Variants in BBS9 observed in about 807,000 individuals in gnomAD.
BBS9 encodes Bardet-Biedl syndrome 9.
Under a neutral mutation model 117.7 loss-of-function variants are expected in BBS9, and 89 were observed. That is an observed-to-expected ratio of 0.76 (90% CI 0.64 to 0.90). BBS9 has a LOEUF of 0.90. Ranked by LOEUF, BBS9 falls within the 40% of genes least tolerant of loss-of-function variation. The probability of loss-of-function intolerance (pLI) is 0.00; values close to 1 mark genes in which losing one functional copy is unlikely to be tolerated. For synonymous variants in BBS9, 379 were observed against 370.9 expected (o/e 1.02, Z -0.25); for missense variants, 982 against 1,042.2 (o/e 0.94, Z 0.80).
chr7:33,400,613 C>A (rs1335652378), intron 19 of BBS9, among the ~76,000 whole-genome samples: 5 of 151,982 alleles, frequency 3.3e-5, no homozygotes, highest in Non-Finnish European at 5.9e-5. Flanking sequence ...AGCCAGTTTC[C>A]TTGAGAGATT....
intron 5 of BBS9, among the ~76,000 whole-genome samples, chr7:33,183,871 T>A (rs1019647331): frequency 6.6e-6 from 1 of 152,186 alleles, no homozygotes; most frequent in Non-Finnish European, 1.5e-5. Context: ...CTGACTAGTT[T>A]GCTGGGCTAG....
At chr7:33,201,344 T>TTA (rs1243224605) in intron 5 of BBS9, among the ~76,000 whole-genome samples, 13 of 152,198 alleles carry the variant, frequency 8.5e-5, no homozygotes, top group Non-Finnish European at 1.9e-4. Flanking sequence ...GGGTATCTGT[T>TTA]TATTTCCATA....
At chr7:33,173,316 C>A (rs1038799509) in intron 4 of BBS9, among the ~76,000 whole-genome samples, 1 of 152,030 alleles carries the variant, frequency 6.6e-6, no homozygotes, top group Non-Finnish European at 1.5e-5. Context: ...TGCAGTGGCT[C>A]ACGTCTGTAA....
chr7:33,398,504 A>G (rs1254468960), intron 19 of BBS9, among the ~76,000 whole-genome samples: 2 of 152,192 alleles, frequency 1.3e-5, no homozygotes, highest in African/African-American at 4.8e-5. Flanking sequence ...AGCTCTTTCA[A>G]AATTTTGTAA....
chr7:33,301,440 T>C (rs1369271699), intron 9 of BBS9, among the ~76,000 whole-genome samples: 2 of 152,254 alleles, frequency 1.3e-5, no homozygotes, highest in African/African-American at 4.8e-5. Flanking sequence ...ATTCCCAGCC[T>C]CTGGTAACCA....
At chr7:33,551,954 A>C (rs1854493094) in intron 21 of BBS9, among the ~76,000 whole-genome samples, 1 of 152,088 alleles carries the variant, frequency 6.6e-6, no homozygotes, top group Non-Finnish European at 1.5e-5. Flanking sequence ...GTTAATAGTA[A>C]TATTATTGGA....
intron 4 of BBS9, among the ~76,000 whole-genome samples, chr7:33,161,314 C>G (rs1400406075): frequency 6.6e-6 from 1 of 152,098 alleles, no homozygotes; most frequent in Non-Finnish European, 1.5e-5. Context: ...TGTTCCCCAC[C>G]CTGTGTCCAA....
At chr7:33,492,225 C>A (rs867184283) in intron 19 of BBS9, among the ~76,000 whole-genome samples, 5,204 of 86,652 alleles carry the variant, frequency 0.06, 97 homozygotes, top group African/African-American at 0.11. Context: ...AAAAAAAAAA[C>A]AAAAAAAAAA....
intron 5 of BBS9, among the ~76,000 whole-genome samples, chr7:33,194,181 T>C (rs1164725834): frequency 6.6e-6 from 1 of 152,244 alleles, no homozygotes; most frequent in African/African-American, 2.4e-5. Context: ...TATGGTATTA[T>C]GGGCATTTCC....
intron 21 of BBS9, among the ~76,000 whole-genome samples, chr7:33,559,996 C>T (rs781112793): frequency 5.3e-5 from 8 of 152,104 alleles, no homozygotes; most frequent in East Asian, 1.9e-4. Context: ...TATTGCCTAA[C>T]GCCATTCATG....
chr7:33,579,484 C>T (rs1342011506), intron 21 of BBS9, among the ~76,000 whole-genome samples: 3 of 152,126 alleles, frequency 2.0e-5, no homozygotes, highest in African/African-American at 4.8e-5. Context: ...TTTGGCCCGG[C>T]GTGTATCACA....
intron 19 of BBS9, among the ~76,000 whole-genome samples, chr7:33,409,757 C>T (rs561457770): frequency 8.5e-5 from 13 of 152,232 alleles, no homozygotes; most frequent in Non-Finnish European, 1.2e-4. Context: ...ATTTTCCTAA[C>T]GATGTTGAAC....
rs962717061 is a variant in BBS9, at chr7:33,273,809, T to C, written c.887-18T>C. On this transcript the variant is annotated intron_variant, in intron 8 of 22. Coordinates refer to ENST00000242067, the MANE Select transcript of BBS9 (RefSeq NM_198428.3). ...GACTGTTTTCTTAGTGTCTCTTTTC[T>C]GTATTTTCAACTTACAGTTTCTGAA... The C allele has an allele frequency of 6.2e-7, 1 of 1,603,144 alleles. No homozygotes were observed. Among genetic ancestry groups the C allele is most frequent in the African/African-American group, 1.3e-5 (1 of 74,736 alleles).
intron 9 of BBS9, among the ~76,000 whole-genome samples, chr7:33,307,134 A>G (rs1241656650): frequency 2.0e-5 from 3 of 152,144 alleles, no homozygotes; most frequent in South Asian, 2.1e-4. Flanking sequence ...TTTGTAACCT[A>G]TATTTGCCTT....
intron 19 of BBS9, among the ~76,000 whole-genome samples, chr7:33,498,438 A>G (rs926245621): frequency 2.0e-5 from 3 of 152,182 alleles, no homozygotes; most frequent in African/African-American, 4.8e-5. Context: ...CAATTACCAT[A>G]GTCTAATTTT....
At chr7:33,226,389 TA>T (rs1346610268) in intron 5 of BBS9, among the ~76,000 whole-genome samples, 4 of 152,194 alleles carry the variant, frequency 2.6e-5, no homozygotes, top group Admixed American at 6.5e-5. Flanking sequence ...CTTTTATTGA[TA>T]AGTGTTAGAT....
At chr7:33,426,812 G>T (rs1833725956) in intron 19 of BBS9, among the ~76,000 whole-genome samples, 1 of 152,082 alleles carries the variant, frequency 6.6e-6, no homozygotes, top group Admixed American at 6.6e-5. Context: ...AATTCTGCTG[G>T]GTGTCTTTTG....
chr7:33,408,880 G>T (rs976186404), intron 19 of BBS9, among the ~76,000 whole-genome samples: 1 of 152,046 alleles, frequency 6.6e-6, no homozygotes, highest in Non-Finnish European at 1.5e-5. Flanking sequence ...GTTATTTTTT[G>T]ACTTTTTAAC....
At chr7:33,565,780 AGT>A (rs1491217199) in intron 21 of BBS9, among the ~76,000 whole-genome samples, 1 of 52,874 alleles carries the variant, frequency 1.9e-5, no homozygotes, top group African/African-American at 9.2e-5. Context: ...GGCTATCAGT[AGT>A]ATATATATAT....
Sources: gnomAD v4.1 joint callset for allele counts (sites outside exome capture counted in the v4.1 genomes callset) on GRCh38, gnomAD v4.1.1 for gene constraint, MANE v1.5 for transcripts, NCBI Gene and HGNC (gene_info 2026-07-23, HGNC 2026-07-21) for gene names.